The following NPR3 variants were observed in gnomAD, a reference collection of about 807,000 sequenced individuals.
NPR3 encodes natriuretic peptide receptor 3.
A neutral mutation model predicts 54.5 loss-of-function variants in NPR3; 34 were observed. The observed-to-expected ratio is 0.62, with a 90% CI of 0.47 to 0.83. NPR3 has a LOEUF of 0.83. Among genes scored for constraint, NPR3 ranks in the 40% least tolerant of loss-of-function variants. NPR3 has a pLI of 0.00. For missense variants in NPR3, 674 were observed against 720.8 expected (o/e 0.94, Z 0.74); for synonymous variants, 289 against 297.1 (o/e 0.97, Z 0.28).
At chr5:32,723,562 T>C (rs1323692864) in intron 1 of NPR3, among the ~76,000 whole-genome samples, 1 of 152,240 alleles carries the variant, frequency 6.6e-6, no homozygotes, top group Admixed American at 6.5e-5. Flanking sequence ...ATGTTCTCTC[T>C]AAAATCATTA....
chr5:32,711,566 CTTTTTTTTTT>C lies in NPR3; in HGVS notation c.-210_-201del. 5 of 1,120,978 alleles carry C rather than the reference CTTTTTTTTTT, an allele frequency of 4.5e-6. No homozygotes were observed. The highest frequency in any genetic ancestry group is 5.6e-6 in the Non-Finnish European group (5 of 897,558). 69.4% of individuals were successfully genotyped at this position (1,120,978 alleles called of 1,614,324 possible). A position where few individuals can be genotyped will look rare whatever the true frequency, so the allele number is the denominator to read the frequency against. ...CGGTGAACTTTTTCTTTTTCTTTTT[CTTTTTTTTTT>C]AAGAAAAACTAGTGACATTGCAGAG... On this transcript the variant is annotated 5_prime_UTR_variant, in exon 1 of 8. Transcript: ENST00000265074.
At chr5:32,713,026 G>A (rs3811971) in intron 1 of NPR3, 40,050 of 334,366 alleles carry the variant, frequency 0.12, 2,530 homozygotes, top group Admixed American at 0.19. Context: ...TAGCTCGCCC[G>A]CTCTTGGGGT....
intron 2 of NPR3, among the ~76,000 whole-genome samples, chr5:32,729,936 G>A (rs1739370545): frequency 6.6e-6 from 1 of 152,024 alleles, no homozygotes; most frequent in South Asian, 2.1e-4. Context: ...TAAACTACAG[G>A]CCTATTTGAA....
intron 3 of NPR3, among the ~76,000 whole-genome samples, chr5:32,753,676 A>G (rs1365827427): frequency 1.4e-5 from 2 of 146,964 alleles, no homozygotes; most frequent in African/African-American, 2.5e-5. Flanking sequence ...TCTAATGCAC[A>G]AAACATTAGA....
At chr5:32,742,217 C>A (rs1248033320) in intron 3 of NPR3, among the ~76,000 whole-genome samples, 5 of 152,104 alleles carry the variant, frequency 3.3e-5, no homozygotes, top group African/African-American at 1.2e-4. Flanking sequence ...GGTGGACTCT[C>A]TCATTTGTTC....
At chr5:32,764,683 G>T (rs973331703) in intron 3 of NPR3, among the ~76,000 whole-genome samples, 1 of 150,872 alleles carries the variant, frequency 6.6e-6, no homozygotes, top group Non-Finnish European at 1.5e-5. Context: ...AGCTACTTGG[G>T]AGGCTGAGGC....
At chr5:32,704,370 T>TTGTGTGTGTGTGTG (rs57959913) in intron 1 of NPR3, among the ~76,000 whole-genome samples, 68 of 146,888 alleles carry the variant, frequency 4.6e-4, no homozygotes, top group Middle Eastern at 3.5e-3. Flanking sequence ...TTTTGGCTCT[T>TTGTGTGTGTGTGTG]TGTGTGTGTG....
chr5:32,692,390 A>AT (rs1740414996), intron 1 of NPR3, among the ~76,000 whole-genome samples: 1 of 152,220 alleles, frequency 6.6e-6, no homozygotes, highest in Non-Finnish European at 1.5e-5. Flanking sequence ...AACAATAATA[A>AT]AAAGGCTGAC....
chr5:32,776,751 C>G (rs1014276875), intron 4 of NPR3, among the ~76,000 whole-genome samples: 4 of 152,174 alleles, frequency 2.6e-5, no homozygotes, highest in African/African-American at 9.7e-5. Flanking sequence ...ACATTTTATG[C>G]AATCATTTGA....
intron 3 of NPR3, among the ~76,000 whole-genome samples, chr5:32,770,064 G>A (rs1415143806): frequency 6.6e-6 from 1 of 152,102 alleles, no homozygotes; most frequent in Non-Finnish European, 1.5e-5. Context: ...GCTGGCAGGT[G>A]CTATCAGAGA....
At chr5:32,765,370 A>G (rs1023718207) in intron 3 of NPR3, among the ~76,000 whole-genome samples, 8 of 152,236 alleles carry the variant, frequency 5.3e-5, no homozygotes, top group African/African-American at 1.9e-4. Flanking sequence ...CCCAATTTTA[A>G]GTACAGCTAT....
chr5:32,696,863 C>G (rs1740544536), intron 1 of NPR3, among the ~76,000 whole-genome samples: 1 of 152,096 alleles, frequency 6.6e-6, no homozygotes. Context: ...TGTAACTTTA[C>G]TGAATTTATC....
chr5:32,740,386 CA>C (rs1739975821), intron 3 of NPR3, among the ~76,000 whole-genome samples: 2 of 152,270 alleles, frequency 1.3e-5, no homozygotes, highest in African/African-American at 4.8e-5. Flanking sequence ...ACCATTGTTG[CA>C]AGATTATACC....
intron 2 of NPR3, among the ~76,000 whole-genome samples, chr5:32,738,444 C>T (rs1238637279): frequency 2.0e-5 from 3 of 152,188 alleles, no homozygotes; most frequent in African/African-American, 7.2e-5. Flanking sequence ...GTCCCACACA[C>T]ACATAACATC....
At position 32,715,346 on chromosome 5, in the gene NPR3, CT is replaced by C. The variant is rs577967970; in HGVS notation, c.769+2810del. Among the ~76,000 whole-genome samples, 7 of 151,352 alleles carry C rather than the reference CT, an allele frequency of 4.6e-5. No individual in the cohort carries two copies. The East Asian group carries it at 7.8e-4, about 17-fold the overall frequency. ...TCTTTTGGTGAGAACATTGGTATTA[CT>C]TTTTTTTTGGACTTAAGTTTCTCTT... is the stretch of plus-strand genomic sequence containing the variant. On this transcript the variant is annotated intron_variant, in intron 1 of 7. Transcript: ENST00000265074.
intron 7 of NPR3, 135 bp downstream of exon 7, chr5:32,785,018 T>G (rs938845302): frequency 9.4e-6 from 7 of 746,128 alleles, no homozygotes; most frequent in Non-Finnish European, 1.6e-5. Flanking sequence ...TCTCAGCCAT[T>G]CTTTTGGCAG....
intron 3 of NPR3, among the ~76,000 whole-genome samples, chr5:32,768,998 C>T (rs899822003): frequency 5.3e-5 from 8 of 152,112 alleles, no homozygotes; most frequent in African/African-American, 1.7e-4. Context: ...GGGATAAAGG[C>T]GCAGATTTTC....
chr5:32,746,121 G>C (rs1007186420), intron 3 of NPR3, among the ~76,000 whole-genome samples: 2 of 152,284 alleles, frequency 1.3e-5, no homozygotes, highest in Admixed American at 6.5e-5. Flanking sequence ...ATCACATGTG[G>C]CATATGTGTG....
chr5:32,694,087 A>G (rs924444278), intron 1 of NPR3, among the ~76,000 whole-genome samples: 1 of 152,186 alleles, frequency 6.6e-6, no homozygotes, highest in Non-Finnish European at 1.5e-5. Flanking sequence ...GAAAGCTGTT[A>G]AGGGCACTTG....
Sources: allele counts gnomAD v4.1 joint callset (sites outside exome capture counted in the v4.1 genomes callset), GRCh38; gene constraint gnomAD v4.1.1; transcripts MANE v1.5; gene names NCBI Gene and HGNC (gene_info 2026-07-23, HGNC 2026-07-21).